The following VAV2 variants were observed in gnomAD, a reference collection of about 807,000 sequenced individuals.
VAV2 encodes the protein vav guanine nucleotide exchange factor 2.
VAV2 carries 67 observed loss-of-function variants against 132.5 expected under a neutral mutation model. The observed-to-expected ratio is 0.51, with a 90% CI of 0.42 to 0.62. VAV2 has a LOEUF of 0.62. VAV2 is among the 20% of genes least tolerant of loss of function. VAV2 has a pLI of 0.00. For synonymous variants in VAV2, 492 were observed against 443.5 expected (o/e 1.11, Z -1.37); for missense variants, 938 against 1,153.6 (o/e 0.81, Z 2.71).
rs1835040198 is a variant in VAV2 at position 133,804,002 on chromosome 9, A to G, written c.836+2079T>C. 6.6e-6 allele frequency among the ~76,000 whole-genome samples: 1 copy of G among 151,856 alleles called. No individual in the cohort carries two copies. Among genetic ancestry groups the G allele is most frequent in the African/African-American group, 2.4e-5 (1 of 41,324 alleles). On this transcript the variant is annotated intron_variant, in intron 9 of 29. Transcript: ENST00000371850. The surrounding 1 kb of genome is among the most constrained non-coding windows in gnomAD (Gnocchi z 4.5). ...CCCTCACGGGTCTCCTGGGCTCTCCAGCAACGCCGCAGCTCCCCCCGGAGC... is the reference window on the plus strand; with the variant it reads ...CCCTCACGGGTCTCCTGGGCTCTCCGGCAACGCCGCAGCTCCCCCCGGAGC...
rs1291149752 is a variant in VAV2, at chr9:133,802,631, ATT to A, written c.836+3448_836+3449del. ...GACCCGTGGCCCGAGCTCCGTGGGT[ATT>A]TGTGTGAGGATCATGTTTTTTAACT... On this transcript the variant is annotated intron_variant, in intron 9 of 29. Coordinates refer to ENST00000371850, the MANE Select transcript of VAV2 (RefSeq NM_001134398.2). This position sits in a 1 kb window ranked among gnomAD's most constrained non-coding sequence, Gnocchi z 5.8. Among the ~76,000 whole-genome samples the A allele has an allele frequency of 6.6e-6, 1 of 152,096 alleles. No homozygotes were observed. Among genetic ancestry groups the A allele is most frequent in the African/African-American group, 2.4e-5 (1 of 41,396 alleles).
At chr9:133,976,653 C>A (rs1037315715) in intron 1 of VAV2, among the ~76,000 whole-genome samples, 4 of 152,248 alleles carry the variant, frequency 2.6e-5, no homozygotes, top group African/African-American at 9.6e-5. Context: ...CTCTCCCCAG[C>A]GCCTTCTCCC....
At chr9:133,910,931 C>T (rs915479386) in intron 2 of VAV2, among the ~76,000 whole-genome samples, 7 of 151,918 alleles carry the variant, frequency 4.6e-5, no homozygotes, top group African/African-American at 1.2e-4. Flanking sequence ...GTCCCGCAGA[C>T]CGCAAGCCCA....
At chr9:133,853,776 G>C in intron 3 of VAV2, among the ~76,000 whole-genome samples, 1 of 152,070 alleles carries the variant, frequency 6.6e-6, no homozygotes, top group Non-Finnish European at 1.5e-5. Flanking sequence ...TGCCCAGACA[G>C]GACAGCCGAG....
At chr9:133,777,932 G>A (rs565431785) in intron 22 of VAV2, among the ~76,000 whole-genome samples, 4 of 152,220 alleles carry the variant, frequency 2.6e-5, no homozygotes, top group South Asian at 4.1e-4. Flanking sequence ...GTCAGCTCCC[G>A]CGGGAAGCTA....
chr9:133,977,303 C>G (rs1203285641), intron 1 of VAV2, among the ~76,000 whole-genome samples: 1 of 152,182 alleles, frequency 6.6e-6, no homozygotes, highest in Admixed American at 6.5e-5. Flanking sequence ...TGGCTTTCAC[C>G]AAAATGACTG....
rs1429270605 is a variant in VAV2 at position 133,928,976 on chromosome 9, C to T, written c.321+10127G>A. On this transcript the variant is annotated intron_variant, in intron 2 of 29. Coordinates refer to ENST00000371850, the MANE Select transcript of VAV2 (RefSeq NM_001134398.2). The surrounding 1 kb of genome is among the most constrained non-coding windows in gnomAD (Gnocchi z 5.4). ...CGGCTGGTACAATCACAGCACCACT[C>T]CCAGGAGCTTCCTCACGAGACCCAG... 2.0e-5 allele frequency among the ~76,000 whole-genome samples: 3 copies of T among 152,182 alleles called. No homozygotes were observed. Among genetic ancestry groups the T allele is most frequent in the Non-Finnish European group, 4.4e-5 (3 of 68,034 alleles).
chr9:133,851,808 G>A (rs11507040), intron 3 of VAV2, among the ~76,000 whole-genome samples: 13 of 127,702 alleles, frequency 1.0e-4, no homozygotes, highest in African/African-American at 4.3e-4. Flanking sequence ...TAAATGGATG[G>A]ATGGATGGAT....
At chr9:133,866,805 CAAAAAAAA>C (rs55659710) in intron 2 of VAV2, among the ~76,000 whole-genome samples, 1 of 85,240 alleles carries the variant, frequency 1.2e-5, no homozygotes, top group Admixed American at 1.3e-4. Context: ...GACTCCGTCT[CAAAAAAAA>C]AAAAAAAAAG....
At chr9:133,777,578 C>G in intron 22 of VAV2, 115 bp from the exon 23 acceptor site, 1 of 1,051,190 alleles carries the variant, frequency 9.5e-7, no homozygotes, top group Non-Finnish European at 1.4e-6. Context: ...GTGGGAGAGC[C>G]AATGTCTTCT....
chr9:133,868,012 G>A (rs939307091), intron 2 of VAV2, among the ~76,000 whole-genome samples: 1 of 152,252 alleles, frequency 6.6e-6, no homozygotes, highest in African/African-American at 2.4e-5. Flanking sequence ...AAGGCCCCAA[G>A]TGCACCTCGG....
At chr9:133,809,636 T>C (rs1835285844) in intron 6 of VAV2, among the ~76,000 whole-genome samples, 1 of 152,188 alleles carries the variant, frequency 6.6e-6, no homozygotes, top group Non-Finnish European at 1.5e-5. Flanking sequence ...TTCCCCTGAG[T>C]GTCCACTGGT....
chr9:133,814,437 T>G (rs1835477862), intron 4 of VAV2, among the ~76,000 whole-genome samples: 1 of 152,194 alleles, frequency 6.6e-6, no homozygotes, highest in African/African-American at 2.4e-5. Flanking sequence ...TGTCGAAAAC[T>G]CTTGACAGCT....
chr9:133,989,230 T>A (rs540771607), intron 1 of VAV2, among the ~76,000 whole-genome samples: 3 of 151,976 alleles, frequency 2.0e-5, no homozygotes, highest in African/African-American at 7.2e-5. Context: ...CCCAGCCGAC[T>A]TGGGAGGCTG....
rs909610357 is a variant in VAV2, at chr9:133,840,985, G to C, written c.381-6645C>G. ...CCCTCAGGATCTCAGCTAGAGGGAC[G>C]ACAGCTTGGGTTTGCTTTCTTGGAG... is the stretch of plus-strand genomic sequence containing the variant. On this transcript the variant is annotated intron_variant, in intron 3 of 29. Coordinates refer to ENST00000371850, the MANE Select transcript of VAV2 (RefSeq NM_001134398.2). The surrounding 1 kb of genome is among the most constrained non-coding windows in gnomAD (Gnocchi z 4.5). Among the ~76,000 whole-genome samples, 7 of 152,254 alleles carry C rather than the reference G, an allele frequency of 4.6e-5. No homozygotes were observed. Among genetic ancestry groups the C allele is most frequent in the East Asian group, 3.9e-4 (2 of 5,164 alleles).
At chr9:133,854,015 C>T (rs951260120) in intron 3 of VAV2, among the ~76,000 whole-genome samples, 9 of 152,174 alleles carry the variant, frequency 5.9e-5, no homozygotes, top group Non-Finnish European at 4.4e-5. Context: ...TATATACACA[C>T]ACGTGTGCAC....
chr9:133,776,040 G>A lies in VAV2; in HGVS notation c.2006C>T (p.Thr669Ile). The A allele has an allele frequency of 6.2e-7, 1 of 1,613,054 alleles. No homozygotes were observed. Among genetic ancestry groups the A allele is most frequent in the Admixed American group, 1.7e-5 (1 of 59,996 alleles). Reference protein sequence around the residue: ...SRPPSREIDYTAYPWFAGNME... With the variant: ...SRPPSREIDYIAYPWFAGNME... ...ACGATCCACTCACCAGGGGTATGCA[G>A]TGTAGTCGATCTCCCGGGATGGCGG... is the stretch of plus-strand genomic sequence containing the variant. Residue 669 changes from threonine (T) to isoleucine (I), a missense_variant, in exon 24 of 30, where the codon ACT becomes ATT. Thr to Ile is a moderately conservative substitution (Grantham distance 89). Transcript: ENST00000371850.
chr9:133,972,523 A>G (rs1329632465), intron 1 of VAV2, among the ~76,000 whole-genome samples: 1 of 152,224 alleles, frequency 6.6e-6, no homozygotes, highest in Non-Finnish European at 1.5e-5. Flanking sequence ...CCGCAGACAC[A>G]TGTAGCCGAG....
At chr9:133,828,991 C>T (rs1328968421) in intron 4 of VAV2, among the ~76,000 whole-genome samples, 1 of 152,228 alleles carries the variant, frequency 6.6e-6, no homozygotes, top group Non-Finnish European at 1.5e-5. Flanking sequence ...CAGCACTCCG[C>T]CAGCCCCACT....
Sources: allele counts gnomAD v4.1 joint callset (sites outside exome capture counted in the v4.1 genomes callset), GRCh38; gene constraint gnomAD v4.1.1; non-coding constraint Gnocchi (gnomAD v3.1); transcripts MANE v1.5; gene names NCBI Gene and HGNC (gene_info 2026-07-23, HGNC 2026-07-21).